Variants in AKAP19 observed in about 807,000 individuals in gnomAD.
The protein encoded by AKAP19 is small A-kinase anchoring protein.
chr2:189,914,843 A>G, the AKAP19 span, among the ~76,000 whole-genome samples: 233 of 152,192 alleles, frequency 1.5e-3, 1 homozygote, highest in African/African-American at 5.1e-3. Context: ...ACATGAAGTA[A>G]ATTGACCAAA....
the AKAP19 span, among the ~76,000 whole-genome samples, chr2:190,113,910 A>G: frequency 1.3e-5 from 2 of 152,172 alleles, no homozygotes; most frequent in African/African-American, 4.8e-5. Flanking sequence ...TCTCTTTTTA[A>G]AGGAAACTAG....
the AKAP19 span, among the ~76,000 whole-genome samples, chr2:190,115,615 G>A: frequency 3.3e-5 from 5 of 151,736 alleles, no homozygotes; most frequent in African/African-American, 7.3e-5. Flanking sequence ...CACCGCGCCC[G>A]GCCAAGAAGC....
chr2:190,171,264 A>G, the AKAP19 span, among the ~76,000 whole-genome samples: 1 of 152,082 alleles, frequency 6.6e-6, no homozygotes, highest in African/African-American at 2.4e-5. Context: ...CAATTCTCAT[A>G]CTATTTAAAA....
At chr2:190,179,817 C>T in the AKAP19 span, among the ~76,000 whole-genome samples, 1 of 152,212 alleles carries the variant, frequency 6.6e-6, no homozygotes, top group African/African-American at 2.4e-5. This position sits in a 1 kb window ranked among gnomAD's most constrained non-coding sequence, Gnocchi z 6.0. Flanking sequence ...AAAATTATCA[C>T]TAAGGTCCCT....
chr2:190,116,289 C>A, the AKAP19 span, among the ~76,000 whole-genome samples: 11 of 152,180 alleles, frequency 7.2e-5, no homozygotes, highest in Non-Finnish European at 5.9e-5. Flanking sequence ...CAAGGAACTG[C>A]ATCTGGTGAG....
At chr2:190,084,709 A>G in the AKAP19 span, among the ~76,000 whole-genome samples, 2 of 152,206 alleles carry the variant, frequency 1.3e-5, no homozygotes, top group African/African-American at 4.8e-5. Flanking sequence ...GTACTGAAAA[A>G]CATACAGGAA....
chr2:189,957,405 A>C, the AKAP19 span, among the ~76,000 whole-genome samples: 1 of 152,178 alleles, frequency 6.6e-6, no homozygotes, highest in Non-Finnish European at 1.5e-5. Context: ...ATCCTCCCCC[A>C]TATTTTATTA....
chr2:190,136,676 G>C, the AKAP19 span, among the ~76,000 whole-genome samples: 1 of 152,130 alleles, frequency 6.6e-6, no homozygotes, highest in African/African-American at 2.4e-5. Flanking sequence ...CAGAAGGCCT[G>C]TTTCTTTACC....
At chr2:190,003,159 G>A in the AKAP19 span, among the ~76,000 whole-genome samples, 1 of 151,832 alleles carries the variant, frequency 6.6e-6, no homozygotes, top group Non-Finnish European at 1.5e-5. Flanking sequence ...TCTTGAATCT[G>A]GAATTCATAC....
chr2:189,911,825 T>C, the AKAP19 span, among the ~76,000 whole-genome samples: 2 of 152,092 alleles, frequency 1.3e-5, no homozygotes, highest in Non-Finnish European at 2.9e-5. Flanking sequence ...TAGCAAACAT[T>C]GTTTAAAAAT....
At chr2:190,089,380 GAGTA>G in the AKAP19 span, among the ~76,000 whole-genome samples, 1 of 151,860 alleles carries the variant, frequency 6.6e-6, no homozygotes, top group African/African-American at 2.4e-5. Context: ...GAACTGTGAT[GAGTA>G]AGTATATTTC....
At chr2:190,180,354 G>A in the AKAP19 span, 2 of 614,322 alleles carry the variant, frequency 3.3e-6, no homozygotes, top group African/African-American at 2.0e-5. This position sits in a 1 kb window ranked among gnomAD's most constrained non-coding sequence, Gnocchi z 6.8. Context: ...TTGTCCCAAG[G>A]CAGGCCCCGC....
At chr2:190,077,819 G>T in the AKAP19 span, among the ~76,000 whole-genome samples, 9 of 152,164 alleles carry the variant, frequency 5.9e-5, no homozygotes, top group Non-Finnish European at 1.2e-4. Context: ...TGACTTTTAA[G>T]CTTGCTGGGG....
chr2:189,886,549 G>A, the AKAP19 span, among the ~76,000 whole-genome samples: 2,217 of 152,242 alleles, frequency 0.015, 57 homozygotes, highest in African/African-American at 0.051. Flanking sequence ...TCTTAAGTGA[G>A]AAAAGTCCAC....
At chr2:190,196,426 C>T in the AKAP19 span, among the ~76,000 whole-genome samples, 4 of 150,776 alleles carry the variant, frequency 2.7e-5, no homozygotes, top group African/African-American at 7.3e-5. Flanking sequence ...CTCTGAGATT[C>T]TTTTTTTGTT....
the AKAP19 span, among the ~76,000 whole-genome samples, chr2:190,092,289 G>A: frequency 2.0e-5 from 3 of 152,128 alleles, no homozygotes; most frequent in South Asian, 2.1e-4. Flanking sequence ...TGTTCCTTGT[G>A]TAAGAGAATG....
the AKAP19 span, among the ~76,000 whole-genome samples, chr2:190,187,055 G>A: frequency 6.6e-6 from 1 of 152,086 alleles, no homozygotes; most frequent in African/African-American, 2.4e-5. Flanking sequence ...GGCCAGGCTG[G>A]TCTTGAACTC....
the AKAP19 span, among the ~76,000 whole-genome samples, chr2:190,115,470 C>T: frequency 7.0e-6 from 1 of 142,174 alleles, no homozygotes; most frequent in East Asian, 2.0e-4. Context: ...CAGGCGCCCG[C>T]CACTACGCCC....
chr2:189,914,224 A>G, the AKAP19 span, among the ~76,000 whole-genome samples: 4 of 152,100 alleles, frequency 2.6e-5, no homozygotes, highest in Non-Finnish European at 5.9e-5. Flanking sequence ...CCAAGCTCAA[A>G]TGCTTTAATA....
Sources: gnomAD v4.1 joint callset for allele counts (sites outside exome capture counted in the v4.1 genomes callset) on GRCh38, gnomAD v4.1.1 for gene constraint, Gnocchi (gnomAD v3.1) non-coding constraint, MANE v1.5 for transcripts, NCBI Gene and HGNC (gene_info 2026-07-23, HGNC 2026-07-21) for gene names.